The following NEDD9 variants were observed in gnomAD, a reference collection of about 807,000 sequenced individuals.
NEDD9 encodes the protein enhancer of filamentation 1.
In NEDD9, 26 loss-of-function variants were observed where a neutral mutation model predicts 76.6. That is an observed-to-expected ratio of 0.34 (90% CI 0.25 to 0.47). NEDD9 has a LOEUF of 0.47. Ranked by LOEUF, NEDD9 falls within the 20% of genes least tolerant of loss-of-function variation. The probability of loss-of-function intolerance (pLI) is 1.00; values close to 1 mark genes in which losing one functional copy is unlikely to be tolerated. For missense variants in NEDD9, 937 were observed against 1,058.5 expected, an observed-to-expected ratio of 0.89 and a Z score of 1.59; for synonymous variants, 392 against 414.2, an observed-to-expected ratio of 0.95 and a Z score of 0.65.
intron 1 of NEDD9, among the ~76,000 whole-genome samples, chr6:11,229,186 G>C (rs1321691630): frequency 1.3e-5 from 2 of 152,202 alleles, no homozygotes; most frequent in African/African-American, 4.8e-5. Context: ...CTTTCTTAAT[G>C]GCATTGTAAG....
At chr6:11,381,591 A>G (rs1162227344) in intron 1 of NEDD9, among the ~76,000 whole-genome samples, 1 of 152,214 alleles carries the variant, frequency 6.6e-6, no homozygotes, top group Non-Finnish European at 1.5e-5. Flanking sequence ...ATGGACAGGG[A>G]GAACACAGTG....
At chr6:11,204,779 G>A (rs10947020) in intron 2 of NEDD9, among the ~76,000 whole-genome samples, 30,293 of 149,532 alleles carry the variant, frequency 0.2, 3,381 homozygotes, top group African/African-American at 0.25. Context: ...AGACTTTTCT[G>A]TGTGGCAGAG....
At chr6:11,224,728 T>G (rs1759253360) in intron 1 of NEDD9, among the ~76,000 whole-genome samples, 1 of 152,248 alleles carries the variant, frequency 6.6e-6, no homozygotes, top group Non-Finnish European at 1.5e-5. Context: ...TTCTGTGTGC[T>G]GGCTTTGCCT....
rs377171913 is a variant in NEDD9, at chr6:11,191,147, T to C, written c.722A>G (p.Tyr241Cys). 1 of 1,613,836 alleles carries C rather than the reference T, an allele frequency of 6.2e-7. No homozygotes were observed. The highest frequency in any genetic ancestry group is 8.5e-7 in the Non-Finnish European group (1 of 1,179,928). Residue 241 changes from tyrosine to cysteine, a missense_variant, in exon 5 of 7, where the codon TAT becomes TGT. Transcript: ENST00000379446. ...TTGTCTCATGGGAGGGGGGAAGTCATAGTCTTTTTCCCTAAGCCCTGCTTC... is the reference window on the plus strand; with the variant it reads ...TTGTCTCATGGGAGGGGGGAAGTCACAGTCTTTTTCCCTAAGCCCTGCTTC... ...RDEAGLREKDYDFPPPMRQAG... is the reference protein window; with the variant it reads ...RDEAGLREKDCDFPPPMRQAG...
At chr6:11,367,979 G>A (rs1762798884) in intron 1 of NEDD9, among the ~76,000 whole-genome samples, 1 of 152,222 alleles carries the variant, frequency 6.6e-6, no homozygotes, top group African/African-American at 2.4e-5. Context: ...GTGTGGTCAG[G>A]GCTGGTGATC....
At chr6:11,372,909 A>AT (rs1034064034) in intron 1 of NEDD9, among the ~76,000 whole-genome samples, 2 of 152,024 alleles carry the variant, frequency 1.3e-5, no homozygotes, top group Non-Finnish European at 2.9e-5. Flanking sequence ...ACTCCAATTC[A>AT]TTTTTTTTAA....
intron 1 of NEDD9, among the ~76,000 whole-genome samples, chr6:11,224,080 C>T (rs1759234408): frequency 6.6e-6 from 1 of 152,074 alleles, no homozygotes; most frequent in Admixed American, 6.6e-5. Flanking sequence ...GATACATACT[C>T]ACAAAAAAGA....
At chr6:11,353,191 A>G (rs1762502642) in intron 1 of NEDD9, among the ~76,000 whole-genome samples, 1 of 152,188 alleles carries the variant, frequency 6.6e-6, no homozygotes, top group Admixed American at 6.5e-5. Context: ...CCTGGCTGCT[A>G]GGGGTTGAAT....
At chr6:11,300,563 A>G (rs1205884639) in intron 3 of NEDD9, among the ~76,000 whole-genome samples, 1 of 152,242 alleles carries the variant, frequency 6.6e-6, no homozygotes, top group Non-Finnish European at 1.5e-5. Flanking sequence ...CATAATTGTC[A>G]GATTCACCAA....
intron 3 of NEDD9, among the ~76,000 whole-genome samples, chr6:11,263,134 C>T (rs1174499908): frequency 6.6e-5 from 10 of 152,068 alleles, no homozygotes; most frequent in South Asian, 4.1e-4. Flanking sequence ...AATATACGTT[C>T]GATGCAGGGG....
At chr6:11,355,001 C>T (rs901452889) in intron 1 of NEDD9, among the ~76,000 whole-genome samples, 4 of 152,202 alleles carry the variant, frequency 2.6e-5, no homozygotes, top group African/African-American at 9.7e-5. Context: ...TTTTCTGCTA[C>T]CCAAGCTGAC....
intron 1 of NEDD9, among the ~76,000 whole-genome samples, chr6:11,366,207 C>G (rs1582052195): frequency 6.6e-6 from 1 of 151,176 alleles, no homozygotes; most frequent in East Asian, 1.9e-4. Context: ...TCACTTGAAC[C>G]TGGGAGGCAG....
At chr6:11,238,873 T>C (rs1396368602) in intron 3 of NEDD9, among the ~76,000 whole-genome samples, 2 of 152,222 alleles carry the variant, frequency 1.3e-5, no homozygotes, top group Non-Finnish European at 2.9e-5. Context: ...TAAAGTGATC[T>C]TCATGGCTGT....
At chr6:11,270,780 C>T (rs1760290235) in intron 3 of NEDD9, among the ~76,000 whole-genome samples, 1 of 152,178 alleles carries the variant, frequency 6.6e-6, no homozygotes, top group South Asian at 2.1e-4. Flanking sequence ...TCTAGCAGGA[C>T]AGACAAACCC....
intron 1 of NEDD9, among the ~76,000 whole-genome samples, chr6:11,361,465 G>A (rs1762678847): frequency 6.6e-6 from 1 of 151,894 alleles, no homozygotes; most frequent in African/African-American, 2.4e-5. Flanking sequence ...AGAGTGTCAA[G>A]GGGCAGGGGG....
intron 1 of NEDD9, among the ~76,000 whole-genome samples, chr6:11,229,580 G>T (rs573112433): frequency 3.7e-4 from 56 of 152,024 alleles, no homozygotes; most frequent in African/African-American, 1.1e-3. Context: ...ACCTAACCCC[G>T]CCAGCCCCCG....
intron 2 of NEDD9, among the ~76,000 whole-genome samples, chr6:11,206,421 A>G (rs1758618888): frequency 6.6e-6 from 1 of 152,206 alleles, no homozygotes; most frequent in Admixed American, 6.5e-5. Flanking sequence ...CTCCATCTCA[A>G]AAATAAAAAA....
intron 2 of NEDD9, among the ~76,000 whole-genome samples, chr6:11,201,307 A>G (rs1004116739): frequency 6.6e-6 from 1 of 152,222 alleles, no homozygotes; most frequent in Admixed American, 6.5e-5. Flanking sequence ...GCTGCCACTC[A>G]CAAAGGCCAA....
chr6:11,258,089 A>G (rs1294716425), intron 3 of NEDD9, among the ~76,000 whole-genome samples: 1 of 152,244 alleles, frequency 6.6e-6, no homozygotes, highest in Non-Finnish European at 1.5e-5. Context: ...GAAGCACACA[A>G]TTATGGACTC....
Sources: gnomAD v4.1 joint callset for allele counts (sites outside exome capture counted in the v4.1 genomes callset) on GRCh38, gnomAD v4.1.1 for gene constraint, MANE v1.5 for transcripts, NCBI Gene and HGNC (gene_info 2026-07-23, HGNC 2026-07-21) for gene names.